MGMT: variants seen among roughly 807,000 people sequenced by gnomAD.
MGMT encodes O-6-methylguanine-DNA methyltransferase.
In MGMT, 14 loss-of-function variants were observed where a neutral mutation model predicts 15.9. The ratio of observed to expected loss-of-function variants is 0.88; its 90% CI spans 0.58 to 1.37. The LOEUF is 1.37. MGMT is among the 40% of genes most tolerant of loss of function. MGMT has a pLI of 0.00. For missense variants in MGMT, 282 were observed against 268.1 expected, an observed-to-expected ratio of 1.05 and a Z score of -0.36; for synonymous variants, 130 against 118.2, an observed-to-expected ratio of 1.10 and a Z score of -0.65.
At chr10:129,633,119 A>G (rs1239645295) in intron 2 of MGMT, among the ~76,000 whole-genome samples, 1 of 152,218 alleles carries the variant, frequency 6.6e-6, no homozygotes, top group African/African-American at 2.4e-5. Flanking sequence ...TCTTGTGACC[A>G]TATACATACA....
At chr10:129,630,504 T>C (rs1001187475) in intron 2 of MGMT, among the ~76,000 whole-genome samples, 4 of 152,166 alleles carry the variant, frequency 2.6e-5, no homozygotes, top group Non-Finnish European at 5.9e-5. Context: ...GAAAAGAAAA[T>C]ATTTTCTTTC....
chr10:129,469,466 A>T (rs573117714), intron 1 of MGMT, among the ~76,000 whole-genome samples: 1 of 152,072 alleles, frequency 6.6e-6, no homozygotes, highest in Non-Finnish European at 1.5e-5. Context: ...TCTGCACTTC[A>T]TTCTGACCCC....
chr10:129,665,645 A>G (rs1485312814), intron 2 of MGMT, among the ~76,000 whole-genome samples: 1 of 152,122 alleles, frequency 6.6e-6, no homozygotes, highest in Non-Finnish European at 1.5e-5. Flanking sequence ...AAAGGACCAC[A>G]GGAAGTGCTT....
intron 2 of MGMT, among the ~76,000 whole-genome samples, chr10:129,592,048 G>T (rs1369838817): frequency 6.6e-6 from 1 of 152,258 alleles, no homozygotes; most frequent in African/African-American, 2.4e-5. Context: ...GAAGTGAAGT[G>T]TGCGTAAAGC....
chr10:129,675,298 T>C (rs982565707), intron 2 of MGMT, among the ~76,000 whole-genome samples: 8 of 152,106 alleles, frequency 5.3e-5, no homozygotes, highest in Middle Eastern at 3.4e-3. Context: ...GGTGAGCACA[T>C]TGGATTTGGA....
At chr10:129,743,330 TG>T (rs1848659598) in intron 3 of MGMT, among the ~76,000 whole-genome samples, 2 of 152,242 alleles carry the variant, frequency 1.3e-5, no homozygotes, top group African/African-American at 4.8e-5. Flanking sequence ...CACGTTGAGT[TG>T]GGGCTTTGTT....
rs115932785 is a variant in MGMT at position 129,770,395 on chromosome 10, C to T, written c.*3398C>T. Among the ~76,000 whole-genome samples, 621 of 152,350 alleles carry T rather than the reference C, an allele frequency of 4.1e-3. 2 individuals are homozygous for T. Among genetic ancestry groups the T allele is most frequent in the African/African-American group, 0.014 (582 of 41,576 alleles). On this transcript the variant is annotated 3_prime_UTR_variant, in exon 5 of 5. Coordinates refer to ENST00000651593, the MANE Select transcript of MGMT (RefSeq NM_002412.5). ...TTCTCGCAGCAATGTGAGGCATCCT[C>T]CTCACAGAAATGCATTTACGGATGT...
chr10:129,744,474 G>T (rs1462755094), intron 3 of MGMT, among the ~76,000 whole-genome samples: 1 of 152,228 alleles, frequency 6.6e-6, no homozygotes, highest in East Asian at 1.9e-4. Context: ...TCACCCACTG[G>T]CTGGCCAAGC....
At chr10:129,536,596 C>G in intron 2 of MGMT, 1 of 525,986 alleles carries the variant, frequency 1.9e-6, no homozygotes, top group South Asian at 3.1e-5. Context: ...CCGATGAACC[C>G]AGGGCCGTTC....
chr10:129,564,387 C>G lies in MGMT; in HGVS notation c.125+28010C>G, dbSNP rs192786466. Among the ~76,000 whole-genome samples the G allele has an allele frequency of 3.6e-3, 183 of 51,388 alleles. 9 individuals carry two copies. The East Asian group carries it at 0.066, about 18-fold the overall frequency. The allele number at this position is 51,388 out of a possible 152,430, so 33.7% of individuals were successfully genotyped here. A position where few individuals can be genotyped will look rare whatever the true frequency, so the allele number is the denominator to read the frequency against. On this transcript the variant is annotated intron_variant, in intron 2 of 4. Transcript: ENST00000651593. ...CTCCTCCTCTTCCTTCCTCTCCCCT[C>G]CCCCTCCTCCTCCTTCTCTTCCTCC...
chr10:129,678,544 T>C (rs1847811619), intron 2 of MGMT, among the ~76,000 whole-genome samples: 1 of 152,154 alleles, frequency 6.6e-6, no homozygotes, highest in Non-Finnish European at 1.5e-5. Context: ...GAAAGACTTT[T>C]AACCTACTAA....
chr10:129,495,432 C>T (rs930089431), intron 1 of MGMT, among the ~76,000 whole-genome samples: 24 of 152,162 alleles, frequency 1.6e-4, no homozygotes, highest in African/African-American at 5.1e-4. Context: ...TTATTACAGT[C>T]GGTGCATTTT....
chr10:129,543,303 C>T (rs999161328), intron 2 of MGMT, among the ~76,000 whole-genome samples: 2 of 152,160 alleles, frequency 1.3e-5, no homozygotes, highest in African/African-American at 2.4e-5. Flanking sequence ...ACGGGCTCTG[C>T]AGGCTGAGCC....
At position 129,486,985 on chromosome 10, in the gene MGMT, G is replaced by A. The variant is rs1845415851; in HGVS notation, c.-13+19689G>A. Among the ~76,000 whole-genome samples the A allele has an allele frequency of 6.6e-5, 10 of 152,246 alleles. No homozygotes were observed. In the South Asian group the frequency reaches 2.1e-3, roughly 32 times the overall value. ...TAAAGCCTTGTATGGCAGTCTACCC[G>A]GGCAGCCTAGAGAGCCCTGTGCAAC... On this transcript the variant is annotated intron_variant, in intron 1 of 4. Transcript: ENST00000651593.
intron 1 of MGMT, among the ~76,000 whole-genome samples, chr10:129,489,175 A>G (rs867463212): frequency 1.4e-4 from 21 of 152,016 alleles, no homozygotes; most frequent in African/African-American, 5.1e-4. Flanking sequence ...TCTAGCCAAC[A>G]TAGTGAAACC....
chr10:129,635,358 C>A (rs563864580), intron 2 of MGMT, among the ~76,000 whole-genome samples: 1 of 152,346 alleles, frequency 6.6e-6, no homozygotes, highest in East Asian at 1.9e-4. Flanking sequence ...CAGCTCCATC[C>A]CCTCAGTTTG....
intron 1 of MGMT, among the ~76,000 whole-genome samples, chr10:129,471,739 G>A (rs936544457): frequency 6.6e-6 from 1 of 152,114 alleles, no homozygotes; most frequent in Non-Finnish European, 1.5e-5. Flanking sequence ...AGGGGATTCT[G>A]GCAGACCCTA....
At chr10:129,744,743 G>C (rs551531590) in intron 3 of MGMT, among the ~76,000 whole-genome samples, 1 of 152,200 alleles carries the variant, frequency 6.6e-6, no homozygotes, top group South Asian at 2.1e-4. Context: ...GGAGCTCCTG[G>C]CCCGCCACAT....
chr10:129,742,830 G>A (rs1007142572), intron 3 of MGMT, among the ~76,000 whole-genome samples: 2 of 150,558 alleles, frequency 1.3e-5, no homozygotes, highest in African/African-American at 2.5e-5. Context: ...TCTCAGGGCC[G>A]GGGCGTTCAG....
Sources: gnomAD v4.1 joint callset for allele counts (sites outside exome capture counted in the v4.1 genomes callset) on GRCh38, gnomAD v4.1.1 for gene constraint, MANE v1.5 for transcripts, NCBI Gene and HGNC (gene_info 2026-07-23, HGNC 2026-07-21) for gene names.